Variants in BAZ1B observed in about 807,000 individuals in gnomAD.
BAZ1B encodes tyrosine-protein kinase BAZ1B.
Under a neutral mutation model 153.8 loss-of-function variants are expected in BAZ1B, and 22 were observed. That is an observed-to-expected ratio of 0.14 (90% confidence interval 0.10 to 0.20). The LOEUF is 0.20. Ranked by LOEUF, BAZ1B falls within the 10% of genes least tolerant of loss-of-function variation. BAZ1B has a pLI of 1.00. For missense variants in BAZ1B, 1,325 were observed against 1,799.3 expected, an observed-to-expected ratio of 0.74 and a Z score of 4.77; for synonymous variants, 676 against 633.4, an observed-to-expected ratio of 1.07 and a Z score of -1.01.
chr7:73,486,971 G>GT (rs1554574563), intron 6 of BAZ1B, among the ~76,000 whole-genome samples: 1 of 152,202 alleles, frequency 6.6e-6, no homozygotes, highest in Non-Finnish European at 1.5e-5. Context: ...ATGTCAGATA[G>GT]TATTAGGAAA....
intron 6 of BAZ1B, among the ~76,000 whole-genome samples, chr7:73,485,895 T>C (rs1554574415): frequency 6.6e-6 from 1 of 152,150 alleles, no homozygotes; most frequent in African/African-American, 2.4e-5. Context: ...AGCTCAAACA[T>C]GATGGAGACT....
At chr7:73,458,019 C>T (rs1276549264) in intron 13 of BAZ1B, among the ~76,000 whole-genome samples, 1 of 152,150 alleles carries the variant, frequency 6.6e-6, no homozygotes, top group Non-Finnish European at 1.5e-5. Context: ...AAATGCTTTC[C>T]CGGGTTCTGT....
chr7:73,476,475 G>T (rs1003935713), intron 7 of BAZ1B, among the ~76,000 whole-genome samples: 1 of 152,124 alleles, frequency 6.6e-6, no homozygotes, highest in African/African-American at 2.4e-5. Context: ...ATCTTATCAA[G>T]CATATGAGGA....
chr7:73,498,838 G>C (rs2353082), intron 3 of BAZ1B, 140 bp from the exon 4 acceptor site: 533,621 of 716,862 alleles, frequency 0.74, 200,555 homozygotes, highest in East Asian at 0.94. Context: ...GTACAATGAA[G>C]TGTTTTCAAC....
chr7:73,485,016 T>C (rs547881204), intron 6 of BAZ1B, among the ~76,000 whole-genome samples: 52 of 152,274 alleles, frequency 3.4e-4, no homozygotes, highest in African/African-American at 1.2e-3. Flanking sequence ...GTAAAAACTA[T>C]AGATTAGATA....
chr7:73,520,146 T>G lies in BAZ1B; in HGVS notation c.107+1681A>C, dbSNP rs560744343. On this transcript the variant is annotated intron_variant, in intron 1 of 19. Coordinates refer to ENST00000339594, the MANE Select transcript of BAZ1B (RefSeq NM_032408.4). The stretch of plus-strand genomic sequence containing the variant: ...ATCACTTGAACCCTGGAGGCGGAGA[T>G]GGCAGTGAGCCCAGATCGTGCCACT... 1.3e-4 allele frequency among the ~76,000 whole-genome samples: 19 copies of G among 143,758 alleles called. 1 individual carries two copies. The Admixed American group carries it at 1.4e-3, about 11-fold the overall frequency. The allele number at this position is 143,758 out of a possible 152,430, so 94.3% of individuals were successfully genotyped here. A position where few individuals can be genotyped will look rare whatever the true frequency, so the allele number is the denominator to read the frequency against.
intron 6 of BAZ1B, among the ~76,000 whole-genome samples, chr7:73,482,431 C>T (rs571471680): frequency 6.6e-6 from 1 of 152,300 alleles, no homozygotes; most frequent in East Asian, 1.9e-4. Context: ...GGAAAATCTT[C>T]AGAGTACACA....
chr7:73,458,229 T>C (rs1008370448), intron 13 of BAZ1B, among the ~76,000 whole-genome samples: 21 of 152,142 alleles, frequency 1.4e-4, no homozygotes, highest in African/African-American at 3.9e-4. Context: ...TTAAGAGTAG[T>C]TGGTATCAGC....
intron 4 of BAZ1B, among the ~76,000 whole-genome samples, chr7:73,493,660 GTGAAACC>G (rs1554575965): frequency 6.6e-6 from 1 of 151,812 alleles, no homozygotes; most frequent in Non-Finnish European, 1.5e-5. Context: ...GGGCAACATG[GTGAAACC>G]CTGTCTCTAT....
Position 73,478,121 on chromosome 7 carries a change from G to A in BAZ1B, c.1340C>T (p.Thr447Met), listed in dbSNP as rs781940789. ...CCGTGGGGCTCGTGTCATCTTCTGC[G>A]TGCCTTTGGCCATATCCAACAAAGT... is the stretch of plus-strand genomic sequence containing the variant. ...QMTLLDMAKG[T>M]QKMTRAPRNS... Residue 447 changes from threonine (T) to methionine (M), a missense_variant, in exon 7 of 20, where the codon ACG becomes ATG. Physicochemically the swap from Thr to Met is moderately conservative, Grantham distance 81 (BLOSUM62 -1). This residue lies in a region of BAZ1B where 219 missense variants were observed against 248.2 expected (regional missense o/e 0.88). Coordinates refer to ENST00000339594, the MANE Select transcript of BAZ1B (RefSeq NM_032408.4). 5.0e-6 allele frequency: 8 copies of A among 1,614,176 alleles called. No homozygotes were observed. Among genetic ancestry groups the A allele is most frequent in the South Asian group, 1.1e-5 (1 of 91,088 alleles).
chr7:73,444,450 C>CT (rs1787748648), intron 16 of BAZ1B, among the ~76,000 whole-genome samples: 1 of 152,220 alleles, frequency 6.6e-6, no homozygotes, highest in African/African-American at 2.4e-5. Flanking sequence ...ACTGTAAACT[C>CT]TCACTCATGA....
Position 73,521,940 on chromosome 7 carries a change from G to A in BAZ1B, c.-7C>T. ...GGCCCAGGAGCGGCGCCATCGCGGC[G>A]GCGGCGGTGGGGACTGGCGGCTGCT... On this transcript the variant is annotated 5_prime_UTR_variant, in exon 1 of 20. Transcript: ENST00000339594. The A allele has an allele frequency of 6.9e-7, 1 of 1,453,364 alleles. No homozygotes were observed. The highest frequency in any genetic ancestry group is 9.1e-7 in the Non-Finnish European group (1 of 1,094,812). The allele number at this position is 1,453,364 out of a possible 1,614,324, so 90.0% of individuals were successfully genotyped here.
intron 1 of BAZ1B, among the ~76,000 whole-genome samples, chr7:73,514,738 G>A (rs554015255): frequency 1.6e-4 from 24 of 152,158 alleles, no homozygotes; most frequent in Admixed American, 1.4e-3. Context: ...CCCAGGAGGT[G>A]GAGGTTGCAG....
At chr7:73,456,507 C>A (rs904547593) in intron 13 of BAZ1B, among the ~76,000 whole-genome samples, 1 of 152,004 alleles carries the variant, frequency 6.6e-6, no homozygotes, top group Non-Finnish European at 1.5e-5. Context: ...ATATATTTCT[C>A]CAAATAAGGT....
chr7:73,462,814 C>G (rs1554570574), intron 12 of BAZ1B, 108 bp downstream of exon 12: 1 of 1,234,198 alleles, frequency 8.1e-7, no homozygotes, highest in African/African-American at 1.5e-5. Context: ...CAAATCCAAA[C>G]ATCTGATTTC....
intron 1 of BAZ1B, among the ~76,000 whole-genome samples, chr7:73,512,144 T>C (rs929177876): frequency 6.6e-6 from 1 of 151,730 alleles, no homozygotes; most frequent in South Asian, 2.1e-4. Context: ...AATGATCCAT[T>C]TACCCACAGC....
At chr7:73,500,068 C>T (rs909083719) in intron 3 of BAZ1B, among the ~76,000 whole-genome samples, 1 of 152,158 alleles carries the variant, frequency 6.6e-6, no homozygotes, top group Non-Finnish European at 1.5e-5. Context: ...CTCGCCTCAG[C>T]CTCCTAAGTA....
At chr7:73,491,647 G>GCTT (rs782536507) in intron 5 of BAZ1B, among the ~76,000 whole-genome samples, 1 of 152,032 alleles carries the variant, frequency 6.6e-6, no homozygotes, top group Non-Finnish European at 1.5e-5. Flanking sequence ...CCCAGCCAAG[G>GCTT]CTTCTGATCA....
chr7:73,463,658 T>C (rs780791754), intron 11 of BAZ1B, among the ~76,000 whole-genome samples: 9 of 152,124 alleles, frequency 5.9e-5, no homozygotes, highest in South Asian at 4.1e-4. Flanking sequence ...AGGAACATCA[T>C]AGAACTATAT....
Sources: gnomAD v4.1 joint callset for allele counts (sites outside exome capture counted in the v4.1 genomes callset) on GRCh38, gnomAD v4.1.1 for gene constraint, gnomAD v4.1.1 regional missense constraint, MANE v1.5 for transcripts, NCBI Gene and HGNC (gene_info 2026-07-23, HGNC 2026-07-21) for gene names.